The following KCNJ6 variants were observed in gnomAD, a reference collection of about 807,000 sequenced individuals.
KCNJ6 encodes the protein potassium inwardly rectifying channel subfamily J member 6, also known as G protein-activated inward rectifier potassium channel 2.
Under a neutral mutation model 34.2 loss-of-function variants are expected in KCNJ6, and 9 were observed. That is an observed-to-expected ratio of 0.26 (90% CI 0.16 to 0.46). The LOEUF (loss-of-function observed/expected upper bound fraction) is 0.46, where lower values mean the gene tolerates loss of function less well. Ranked by LOEUF, KCNJ6 falls within the 20% of genes least tolerant of loss-of-function variation. KCNJ6 has a pLI of 1.00. For missense variants in KCNJ6, 236 were observed against 531.3 expected (o/e 0.44, Z 5.46); for synonymous variants, 196 against 207.1 (o/e 0.95, Z 0.46).
intron 3 of KCNJ6, among the ~76,000 whole-genome samples, chr21:37,671,861 A>G (rs1231102615): frequency 1.4e-5 from 2 of 147,854 alleles, no homozygotes; most frequent in Non-Finnish European, 3.0e-5. Flanking sequence ...GTTTCTTCCT[A>G]GGTCCTTATG....
In KCNJ6 at chr21:37,780,503, T is replaced by C. The variant is rs140489457; in HGVS notation, c.25+60155A>G. On this transcript the variant is annotated intron_variant, in intron 2 of 3. Coordinates refer to ENST00000609713, the MANE Select transcript of KCNJ6 (RefSeq NM_002240.5). ...TAATATATCAATACTGGTTCATCAGTATTGTTACAATCATATCAAATGTTC... is the reference window on the plus strand; with the variant it reads ...TAATATATCAATACTGGTTCATCAGCATTGTTACAATCATATCAAATGTTC... 3.8e-3 allele frequency among the ~76,000 whole-genome samples: 578 copies of C among 152,142 alleles called. 5 individuals carry two copies. The highest frequency in any genetic ancestry group is 0.013 in the African/African-American group (535 of 41,512).
intron 2 of KCNJ6, among the ~76,000 whole-genome samples, chr21:37,721,129 A>G (rs7282093): frequency 0.19 from 28,264 of 152,240 alleles, 3,696 homozygotes; most frequent in East Asian, 0.37. Flanking sequence ...TTGAATAGAC[A>G]TCTCTCCAAA....
At chr21:37,656,934 C>T (rs1005699114) in intron 3 of KCNJ6, among the ~76,000 whole-genome samples, 1 of 152,224 alleles carries the variant, frequency 6.6e-6, no homozygotes, top group African/African-American at 2.4e-5. Flanking sequence ...CTTGTGCTTC[C>T]TTCCCACCCA....
intron 3 of KCNJ6, among the ~76,000 whole-genome samples, chr21:37,665,242 A>G (rs1279904105): frequency 6.6e-6 from 1 of 152,210 alleles, no homozygotes; most frequent in Admixed American, 6.5e-5. Flanking sequence ...GGCACATAGG[A>G]TGCATTAAAT....
At chr21:37,632,115 C>T (rs990598117) in intron 3 of KCNJ6, among the ~76,000 whole-genome samples, 8 of 151,782 alleles carry the variant, frequency 5.3e-5, no homozygotes, top group African/African-American at 1.7e-4. Context: ...AAGTGGGGGC[C>T]GACCGGGGGG....
At chr21:37,749,254 C>G (rs2054982643) in intron 2 of KCNJ6, among the ~76,000 whole-genome samples, 1 of 152,138 alleles carries the variant, frequency 6.6e-6, no homozygotes, top group Admixed American at 6.5e-5. Flanking sequence ...AAGGAAGTAG[C>G]ACTGGCATCA....
At chr21:37,761,737 G>A (rs551529781) in intron 2 of KCNJ6, among the ~76,000 whole-genome samples, 2 of 150,890 alleles carry the variant, frequency 1.3e-5, no homozygotes, top group South Asian at 2.1e-4. Flanking sequence ...GGTGTGTGTC[G>A]TGTGTGTGGT....
rs1319581589 is a variant in KCNJ6, at chr21:37,625,283, C to G, written c.1148G>C (p.Trp383Ser). ...LASRAELPLS[W>S]SVSSKLNQHA... ...TTGGTTGAGTTTGCTGGATACAGACCAACTCAGGGGCAGCTCTGCCCTGCT... is the reference window on the plus strand; with the variant it reads ...TTGGTTGAGTTTGCTGGATACAGACGAACTCAGGGGCAGCTCTGCCCTGCT... The change falls in exon 4 of 4, where the codon TGG (tryptophan) becomes TCG (serine). Residue 383 changes from tryptophan (W) to serine (S), a missense_variant. By Grantham distance (177) the Trp-to-Ser change is radical. Around this residue, in one of 5 missense-constraint regions of KCNJ6, gnomAD observed 43 missense variants for 52.1 expected, o/e 0.82. Coordinates refer to ENST00000609713, the MANE Select transcript of KCNJ6 (RefSeq NM_002240.5). 6.2e-7 allele frequency: 1 copy of G among 1,614,052 alleles called. No individual in the cohort carries two copies. Among genetic ancestry groups the G allele is most frequent in the Non-Finnish European group, 8.5e-7 (1 of 1,180,032 alleles).
At chr21:37,859,837 G>A (rs1233882794) in intron 1 of KCNJ6, among the ~76,000 whole-genome samples, 1 of 152,094 alleles carries the variant, frequency 6.6e-6, no homozygotes, top group Non-Finnish European at 1.5e-5. Context: ...GGTCTTCTAA[G>A]CTACCACTGA....
intron 3 of KCNJ6, among the ~76,000 whole-genome samples, chr21:37,641,484 A>G (rs1360488125): frequency 6.6e-6 from 1 of 152,124 alleles, no homozygotes; most frequent in African/African-American, 2.4e-5. Flanking sequence ...ATCCTATGAG[A>G]CTGTAAAAAA....
At chr21:37,775,995 C>T (rs2055140346) in intron 2 of KCNJ6, among the ~76,000 whole-genome samples, 8 of 152,100 alleles carry the variant, frequency 5.3e-5, no homozygotes, top group Admixed American at 5.2e-4. Flanking sequence ...ATGGAATGTT[C>T]TTCCATTTGT....
rs929977781 is a variant in KCNJ6 at position 37,624,823 on chromosome 21, C to T, written c.*336G>A. ...GTCATATCCCAGGTAAAATCTTTGA[C>T]ACACCTTTTTGAGTGATCTGGTATT... On this transcript the variant is annotated 3_prime_UTR_variant, in exon 4 of 4. Coordinates refer to ENST00000609713, the MANE Select transcript of KCNJ6 (RefSeq NM_002240.5). The T allele has an allele frequency of 5.8e-5, 14 of 239,614 alleles. No homozygotes were observed. The highest frequency in any genetic ancestry group is 1.1e-4 in the Non-Finnish European group (14 of 124,850). The allele number at this position is 239,614 out of a possible 1,614,324, so 14.8% of individuals were successfully genotyped here. A position where few individuals can be genotyped will look rare whatever the true frequency, so the allele number is the denominator to read the frequency against.
rs924304598 is a variant in KCNJ6 at position 37,733,041 on chromosome 21, T to A, written c.26-17910A>T. On this transcript the variant is annotated intron_variant, in intron 2 of 3. Transcript: ENST00000609713. ...TGTTATTTCTCTGCATCATTTTCCC[T>A]CTTGACTTCACCTTTAATGCACACT... Among the ~76,000 whole-genome samples, 5 of 152,332 alleles carry A rather than the reference T, an allele frequency of 3.3e-5. No individual in the cohort carries two copies. The South Asian group carries it at 1.0e-3, about 32-fold the overall frequency.
rs534789414 is a variant in KCNJ6 at position 37,901,703 on chromosome 21, T to C, written c.-28+14181A>G. Among the ~76,000 whole-genome samples, 3 of 152,336 alleles carry C rather than the reference T, an allele frequency of 2.0e-5. No individual in the cohort carries two copies. The South Asian group carries it at 6.2e-4, about 32-fold the overall frequency. ...CTTCTCTATGTTGGTAAGTGTGCTG[T>C]GCTGGACACAGTTCAGTCTTTGATG... On this transcript the variant is annotated intron_variant, in intron 1 of 3. Coordinates refer to ENST00000609713, the MANE Select transcript of KCNJ6 (RefSeq NM_002240.5).
chr21:37,659,093 C>G (rs549646657), intron 3 of KCNJ6, among the ~76,000 whole-genome samples: 12 of 152,356 alleles, frequency 7.9e-5, no homozygotes, highest in Admixed American at 7.2e-4. Flanking sequence ...GCTTCAGTTG[C>G]TAAGAACTTA....
intron 2 of KCNJ6, among the ~76,000 whole-genome samples, chr21:37,746,298 G>A (rs1467452213): frequency 2.0e-5 from 3 of 152,122 alleles, no homozygotes; most frequent in African/African-American, 7.2e-5. Flanking sequence ...CAGTCCTTAG[G>A]TAGCAAATCA....
chr21:37,876,659 C>T (rs916093585), intron 1 of KCNJ6, among the ~76,000 whole-genome samples: 1 of 152,044 alleles, frequency 6.6e-6, no homozygotes, highest in Non-Finnish European at 1.5e-5. Flanking sequence ...TTAAACACCT[C>T]ATTTACAGCA....
chr21:37,654,982 C>T (rs1433757141), intron 3 of KCNJ6, among the ~76,000 whole-genome samples: 1 of 152,142 alleles, frequency 6.6e-6, no homozygotes, highest in African/African-American at 2.4e-5. Flanking sequence ...GCAAGTACTA[C>T]AGCTCTTTCC....
At chr21:37,660,423 C>G (rs2054482896) in intron 3 of KCNJ6, among the ~76,000 whole-genome samples, 1 of 152,212 alleles carries the variant, frequency 6.6e-6, no homozygotes, top group Admixed American at 6.5e-5. Flanking sequence ...ATGGGAAGCA[C>G]TGGTCGTGGG....
Sources: allele counts gnomAD v4.1 joint callset (sites outside exome capture counted in the v4.1 genomes callset), GRCh38; gene constraint gnomAD v4.1.1; regional missense constraint gnomAD v4.1.1; transcripts MANE v1.5; gene names NCBI Gene and HGNC (gene_info 2026-07-23, HGNC 2026-07-21).